Variants in FOCAD observed in about 807,000 individuals in gnomAD.
The protein encoded by FOCAD is KIAA1797.
A neutral mutation model predicts 225.6 loss-of-function variants in FOCAD; 198 were observed. The ratio of observed to expected loss-of-function variants is 0.88; its 90% CI spans 0.78 to 0.99. The LOEUF (loss-of-function observed/expected upper bound fraction) is 0.99. Ranked by LOEUF, FOCAD falls within the 50% of genes least tolerant of loss-of-function variation. The pLI is 0.00. For missense variants in FOCAD, 2,713 were observed against 2,123.6 expected, an observed-to-expected ratio of 1.28 and a Z score of -5.46; for synonymous variants, 897 against 755.0, an observed-to-expected ratio of 1.19 and a Z score of -3.08.
At chr9:20,840,579 G>C (rs1372634745) in intron 15 of FOCAD, among the ~76,000 whole-genome samples, 1 of 147,502 alleles carries the variant, frequency 6.8e-6, no homozygotes, top group African/African-American at 2.5e-5. Flanking sequence ...CTGTAGAAAT[G>C]CCACTGATTT....
chr9:20,933,063 G>T lies in FOCAD; in HGVS notation c.3367G>T (p.Ala1123Ser). 1 of 1,613,980 alleles carries T rather than the reference G, an allele frequency of 6.2e-7. No homozygotes were observed. The highest frequency in any genetic ancestry group is 8.5e-7 in the Non-Finnish European group (1 of 1,179,920). Residue 1123 changes from alanine (A) to serine (S), a missense_variant, in exon 28 of 44, where the codon GCC (alanine) becomes TCC (serine). Coordinates refer to ENST00000338382, the MANE Select transcript of FOCAD (RefSeq NM_001375567.1). ...CCTTCTTCTGATGAAGTCGTTGGATGCCCTGGAAAATTGCTGCTTTGACAC... is the reference window on the plus strand; with the variant it reads ...CCTTCTTCTGATGAAGTCGTTGGATTCCCTGGAAAATTGCTGCTTTGACAC... ...MNLLLMKSLD[A>S]LENCCFDTSL...
chr9:20,830,138 T>C (rs1825340102), intron 15 of FOCAD, among the ~76,000 whole-genome samples: 1 of 152,094 alleles, frequency 6.6e-6, no homozygotes, highest in Admixed American at 6.6e-5. Context: ...GTGGTTGTGT[T>C]TGTGTTCACT....
intron 11 of FOCAD, among the ~76,000 whole-genome samples, chr9:20,808,205 T>C (rs995053967): frequency 6.6e-6 from 1 of 152,238 alleles, no homozygotes; most frequent in Admixed American, 6.5e-5. Context: ...ATGGAATGTC[T>C]GACAGGTGTC....
At chr9:20,929,291 T>C in intron 26 of FOCAD, 67 bp from the exon 27 acceptor site, 1 of 1,271,450 alleles carries the variant, frequency 7.9e-7, no homozygotes, top group Non-Finnish European at 1.1e-6. Flanking sequence ...TGTATAGTGC[T>C]TTTATGATAG....
chr9:20,760,880 A>T (rs901248190), intron 6 of FOCAD, among the ~76,000 whole-genome samples: 2 of 152,192 alleles, frequency 1.3e-5, no homozygotes, highest in Non-Finnish European at 2.9e-5. Context: ...CCTGGGTGAC[A>T]GGTTGTTAAT....
At chr9:20,854,308 T>C (rs1336812885) in intron 15 of FOCAD, among the ~76,000 whole-genome samples, 1 of 151,926 alleles carries the variant, frequency 6.6e-6, no homozygotes, top group East Asian at 1.9e-4. Flanking sequence ...TATTTTTTTT[T>C]CTGTTGGTTA....
At position 20,766,708 on chromosome 9, in the gene FOCAD, A is replaced by G. The variant is rs1334586958; in HGVS notation, c.699+1635A>G. On this transcript the variant is annotated intron_variant, in intron 7 of 43. Transcript: ENST00000338382. ...TCACTTTCTTAATCTCTCCATTGCA[A>G]ATGGTTTCCCAACTTTTCTCTGTTT... is the stretch of plus-strand genomic sequence containing the variant. Among the ~76,000 whole-genome samples the G allele has an allele frequency of 2.0e-5, 3 of 151,398 alleles. No homozygotes were observed. In the East Asian group the frequency reaches 5.8e-4, roughly 29 times the overall value.
chr9:20,990,880 TTATTCCATTGCACAGA>T (rs1270981215), intron 42 of FOCAD, among the ~76,000 whole-genome samples: 1 of 152,198 alleles, frequency 6.6e-6, no homozygotes, highest in African/African-American at 2.4e-5. Flanking sequence ...TCCCCATAGC[TTATTCCATTGCACAGA>T]TATGCTCCAG....
chr9:20,689,382 G>A (rs941809988), intron 1 of FOCAD, among the ~76,000 whole-genome samples: 2 of 151,060 alleles, frequency 1.3e-5, no homozygotes, highest in Non-Finnish European at 2.9e-5. Flanking sequence ...GGTTTAGATT[G>A]CCTATGGTGG....
chr9:20,964,144 T>C (rs369132803), intron 35 of FOCAD, among the ~76,000 whole-genome samples: 3 of 152,036 alleles, frequency 2.0e-5, no homozygotes, highest in South Asian at 2.1e-4. Context: ...GGCAGGTAGA[T>C]CGCCTAAGGT....
chr9:20,778,582 A>G, intron 8 of FOCAD, 99 bp from the exon 9 acceptor site: 1 of 644,156 alleles, frequency 1.6e-6, no homozygotes, highest in Non-Finnish European at 2.8e-6. Flanking sequence ...ATAGGCTTGC[A>G]GTCTTTCATA....
At chr9:20,732,211 T>G (rs994965847) in intron 4 of FOCAD, among the ~76,000 whole-genome samples, 7 of 152,198 alleles carry the variant, frequency 4.6e-5, no homozygotes, top group Non-Finnish European at 1.0e-4. Context: ...AATGGAGAGA[T>G]TGCCATAATT....
rs531931369 is a variant in FOCAD at position 20,718,484 on chromosome 9, C to T, written c.132+616C>T. On this transcript the variant is annotated intron_variant, in intron 3 of 43. Coordinates refer to ENST00000338382, the MANE Select transcript of FOCAD (RefSeq NM_001375567.1). ...GTTCTCAGGTGTCCTCTATAGGGAA[C>T]ATAAGTGATGGAAATAAGATTCTTT... 2.0e-5 allele frequency among the ~76,000 whole-genome samples: 3 copies of T among 152,264 alleles called. No homozygotes were observed. The East Asian group carries it at 5.8e-4, about 29-fold the overall frequency.
At chr9:20,721,293 G>A (rs774555148) in intron 4 of FOCAD, among the ~76,000 whole-genome samples, 3 of 152,148 alleles carry the variant, frequency 2.0e-5, no homozygotes, top group Non-Finnish European at 4.4e-5. Flanking sequence ...CCTCCTTGGT[G>A]AAGCTACTTG....
chr9:20,957,776 C>T (rs1239881059), intron 35 of FOCAD, among the ~76,000 whole-genome samples: 1 of 144,720 alleles, frequency 6.9e-6, no homozygotes, highest in Non-Finnish European at 1.5e-5. Flanking sequence ...CCTCTGCCTC[C>T]CAAAGTGGAT....
Position 20,923,742 on chromosome 9 carries a change from T to C in FOCAD, c.2935T>C (p.Ser979Pro), listed in dbSNP as rs753174447. The C allele has an allele frequency of 2.2e-5, 35 of 1,613,790 alleles. No homozygotes were observed. Among genetic ancestry groups the C allele is most frequent in the Non-Finnish European group, 2.8e-5 (33 of 1,179,898 alleles). ...VVVSRHEASL[S>P]SDSDGLLEVQ... ...CGTATCTAGACATGAAGCCAGCCTC[T>C]CCTCAGACTCTGACGGGCTCCTGGA... Residue 979 changes from serine (S) to proline (P), a missense_variant, in exon 25 of 44, where the codon TCC (serine) becomes CCC (proline). Physicochemically the swap from Ser to Pro is moderately conservative, Grantham distance 74. Coordinates refer to ENST00000338382, the MANE Select transcript of FOCAD (RefSeq NM_001375567.1).
chr9:20,957,473 C>CTTTCCTTTTTTTTTTTTTTTTTT (rs1838269048), intron 35 of FOCAD: 1 of 49,460 alleles, frequency 2.0e-5, no homozygotes, highest in African/African-American at 7.3e-5. Flanking sequence ...AACATCTTTT[C>CTTTCCTTTTTTTTTTTTTTTTTT]TTTTCTTTTT....
At chr9:20,855,185 A>T (rs1828043198) in intron 15 of FOCAD, among the ~76,000 whole-genome samples, 2 of 151,722 alleles carry the variant, frequency 1.3e-5, no homozygotes, top group South Asian at 4.1e-4. Flanking sequence ...ACATTTATTT[A>T]TTAAAACTTT....
At chr9:20,962,209 G>A (rs1378084675) in intron 35 of FOCAD, among the ~76,000 whole-genome samples, 2 of 151,992 alleles carry the variant, frequency 1.3e-5, no homozygotes, top group African/African-American at 2.4e-5. Flanking sequence ...TTTTCATGGT[G>A]CGTAATATAT....
Sources: gnomAD v4.1 joint callset for allele counts (sites outside exome capture counted in the v4.1 genomes callset) on GRCh38, gnomAD v4.1.1 for gene constraint, MANE v1.5 for transcripts, NCBI Gene and HGNC (gene_info 2026-07-23, HGNC 2026-07-21) for gene names.